Variants in AMZ1 observed in about 807,000 individuals in gnomAD.
AMZ1 encodes the protein archaelysin family metallopeptidase 1.
In AMZ1, 39 loss-of-function variants were observed where a neutral mutation model predicts 29.9. The ratio of observed to expected loss-of-function variants is 1.30; its 90% confidence interval spans 1.01 to 1.70. The LOEUF (loss-of-function observed/expected upper bound fraction) is 1.70, where lower values mean the gene tolerates loss of function less well. Ranked by LOEUF, AMZ1 falls within the 40% of genes most tolerant of loss-of-function variation. The pLI is 0.00. For missense variants in AMZ1, 1,041 were observed against 680.6 expected (o/e 1.53, Z -5.89); for synonymous variants, 458 against 304.0 (o/e 1.51, Z -5.27).
Position 2,709,648 on chromosome 7 carries a change from C to T in AMZ1, c.780C>T (p.Cys260=), listed in dbSNP as rs1788626967. The change falls in exon 6 of 7, where the codon TGC becomes TGT. Residue 260 remains cysteine, a synonymous_variant. Coordinates refer to ENST00000683327, the MANE Select transcript of AMZ1 (RefSeq NM_001384743.1). ...GGTGGCCTTCCCCCCAGGTCACGTGCCACGAGCTCTGCCACCTTCTGGGCC... is the reference window on the plus strand; with the variant it reads ...GGTGGCCTTCCCCCCAGGTCACGTGTCACGAGCTCTGCCACCTTCTGGGCC... ...LGMVQCCKVT[C]HELCHLLGLG... 5.0e-6 allele frequency: 8 copies of T among 1,608,794 alleles called. No homozygotes were observed. Among genetic ancestry groups the T allele is most frequent in the Non-Finnish European group, 6.8e-6 (8 of 1,178,448 alleles).
chr7:2,692,172 G>A (rs1285157852), intron 1 of AMZ1, among the ~76,000 whole-genome samples: 1 of 152,136 alleles, frequency 6.6e-6, no homozygotes, highest in Non-Finnish European at 1.5e-5. Flanking sequence ...CCTCCTACTT[G>A]GGCCAGCCAG....
intron 4 of AMZ1, among the ~76,000 whole-genome samples, chr7:2,725,172 T>A (rs1007720542): frequency 1.3e-5 from 2 of 152,194 alleles, no homozygotes; most frequent in Non-Finnish European, 2.9e-5. Flanking sequence ...TGCCAGGGAC[T>A]AGTTCAGTGG....
intron 2 of AMZ1, chr7:2,701,898 A>C (rs1042404913): frequency 6.6e-6 from 1 of 152,246 alleles, no homozygotes; most frequent in Non-Finnish European, 1.5e-5. Flanking sequence ...CTTGGGAGCT[A>C]CCCGCTTCCC....
chr7:2,743,273 G>C (rs1259583088), intron 4 of AMZ1, among the ~76,000 whole-genome samples: 2 of 152,208 alleles, frequency 1.3e-5, no homozygotes, highest in South Asian at 2.1e-4. Context: ...GTCTCACCAA[G>C]TTAAATGTCT....
rs149379065 is a variant in AMZ1 at position 2,745,578 on chromosome 7, A to C, written n.551-19134A>C. 5.2e-3 allele frequency among the ~76,000 whole-genome samples: 796 copies of C among 152,340 alleles called. 7 individuals are homozygous for C. Among genetic ancestry groups the C allele is most frequent in the African/African-American group, 0.018 (752 of 41,574 alleles). ...CACTGCAATAACATACCAAATTGTAAAGACCATCAAGGCTAGGAAAAAACT... is the reference window on the plus strand; with the variant it reads ...CACTGCAATAACATACCAAATTGTACAGACCATCAAGGCTAGGAAAAAACT... On this transcript the variant is annotated intron_variant and non_coding_transcript_variant, in intron 4 of 4. Transcript: ENST00000489665.
At chr7:2,711,713 C>G (rs1788790917) in intron 6 of AMZ1, among the ~76,000 whole-genome samples, 1 of 152,082 alleles carries the variant, frequency 6.6e-6, no homozygotes, top group Non-Finnish European at 1.5e-5. Flanking sequence ...GCCACCATGC[C>G]CACACCTTTG....
intron 4 of AMZ1, among the ~76,000 whole-genome samples, chr7:2,739,490 T>C (rs1790389294): frequency 2.0e-5 from 2 of 99,314 alleles, no homozygotes; most frequent in Non-Finnish European, 4.8e-5. Flanking sequence ...TATATATATA[T>C]GTATATTACA....
At chr7:2,722,433 C>T (rs960827994), downstream of AMZ1, among the ~76,000 whole-genome samples, 4 of 152,106 alleles carry the variant, frequency 2.6e-5, no homozygotes, top group Non-Finnish European at 4.4e-5. Flanking sequence ...CCACCATGCC[C>T]GGCTAATTTT....
chr7:2,728,321 A>T (rs1789713317), intron 4 of AMZ1: 1 of 152,308 alleles, frequency 6.6e-6, no homozygotes, highest in South Asian at 2.1e-4. Flanking sequence ...AGTTACAACT[A>T]ATAATCTTCT....
intron 1 of AMZ1, among the ~76,000 whole-genome samples, chr7:2,682,052 G>T (rs114521176): frequency 0.012 from 1,874 of 152,248 alleles, 42 homozygotes; most frequent in African/African-American, 0.042. Flanking sequence ...AGCTCCAGCC[G>T]CTCTGGCTGC....
intron 2 of AMZ1, 26 bp from the exon 3 acceptor site, chr7:2,702,696 G>C: frequency 1.3e-6 from 2 of 1,511,530 alleles, no homozygotes; most frequent in Non-Finnish European, 1.8e-6. Flanking sequence ...GGCGTCGCAG[G>C]GCTGACGGTG....
intron 6 of AMZ1, among the ~76,000 whole-genome samples, chr7:2,710,058 TCGAGTGGGGA>T (rs1335953857): frequency 1.3e-5 from 2 of 151,744 alleles, no homozygotes; most frequent in Non-Finnish European, 1.5e-5. Flanking sequence ...TGCAGCGGGG[TCGAGTGGGGA>T]CGAGGGCTTT....
upstream of AMZ1, among the ~76,000 whole-genome samples, chr7:2,683,709 A>T (rs1420301188): frequency 2.0e-5 from 3 of 151,952 alleles, no homozygotes; most frequent in Non-Finnish European, 4.4e-5. Context: ...AAGTGCTGGG[A>T]TTAGAGACGC....
At chr7:2,763,888 G>C (rs1459340423), upstream of AMZ1, among the ~76,000 whole-genome samples, 1 of 152,190 alleles carries the variant, frequency 6.6e-6, no homozygotes, top group Non-Finnish European at 1.5e-5. Context: ...GAGAGAGAAG[G>C]AGCTCAGCTG....
chr7:2,688,019 C>T (rs938236914), upstream of AMZ1, among the ~76,000 whole-genome samples: 4 of 152,168 alleles, frequency 2.6e-5, no homozygotes, highest in African/African-American at 7.2e-5. Flanking sequence ...CCCCCCTGCC[C>T]GGGTGTTTCT....
chr7:2,737,272 T>TTC (rs1790241632), intron 4 of AMZ1, among the ~76,000 whole-genome samples: 1 of 54,808 alleles, frequency 1.8e-5, no homozygotes, highest in African/African-American at 6.2e-5. Flanking sequence ...CAGTTTTGTT[T>TTC]TGTTTTTTTT....
intron 3 of AMZ1, among the ~76,000 whole-genome samples, chr7:2,706,107 G>A (rs73047325): frequency 6.6e-6 from 1 of 152,166 alleles, no homozygotes; most frequent in Non-Finnish European, 1.5e-5. Flanking sequence ...ACATGCACTC[G>A]GGAAGGTTCA....
chr7:2,707,500 C>T (rs550219591), intron 3 of AMZ1, among the ~76,000 whole-genome samples: 9 of 152,072 alleles, frequency 5.9e-5, no homozygotes, highest in Admixed American at 3.9e-4. Flanking sequence ...TTGATGCCAT[C>T]GTGCCCAGGT....
At chr7:2,702,465 T>C in intron 2 of AMZ1, 1 of 514,314 alleles carries the variant, frequency 1.9e-6, no homozygotes, top group Non-Finnish European at 3.4e-6. Flanking sequence ...GCCTGCTCTC[T>C]CCCTGAGCTC....
Sources: gnomAD v4.1 joint callset for allele counts (sites outside exome capture counted in the v4.1 genomes callset) on GRCh38, gnomAD v4.1.1 for gene constraint, MANE v1.5 for transcripts, NCBI Gene and HGNC (gene_info 2026-07-23, HGNC 2026-07-21) for gene names.